Variants in RERE observed in about 807,000 individuals in gnomAD.
The protein encoded by RERE is arginine-glutamic acid dipeptide repeats.
A neutral mutation model predicts 146.1 loss-of-function variants in RERE; 40 were observed. That is an observed-to-expected ratio of 0.27 (90% CI 0.21 to 0.36). The LOEUF (loss-of-function observed/expected upper bound fraction) is 0.36. Among genes scored for constraint, RERE ranks in the 10% least tolerant of loss-of-function variants. The probability of loss-of-function intolerance (pLI) is 1.00; values close to 1 mark genes in which losing one functional copy is unlikely to be tolerated. For missense variants in RERE, 1,933 were observed against 2,138.7 expected, an observed-to-expected ratio of 0.90 and a Z score of 1.90; for synonymous variants, 1,003 against 866.0, an observed-to-expected ratio of 1.16 and a Z score of -2.78.
At chr1:8,722,887 T>C (rs974545096) in intron 1 of RERE, among the ~76,000 whole-genome samples, 1 of 152,198 alleles carries the variant, frequency 6.6e-6, no homozygotes, top group Non-Finnish European at 1.5e-5. Flanking sequence ...CCCCCACGAA[T>C]ACTGAGAGAG....
chr1:8,359,301 G>A (rs1344596750), intron 19 of RERE, among the ~76,000 whole-genome samples: 4 of 152,134 alleles, frequency 2.6e-5, no homozygotes, highest in African/African-American at 7.2e-5. Flanking sequence ...TTTCCTCCCC[G>A]CGACAGCAGA....
At chr1:8,648,448 TC>T (rs1647432442) in intron 2 of RERE, among the ~76,000 whole-genome samples, 1 of 152,146 alleles carries the variant, frequency 6.6e-6, no homozygotes, top group South Asian at 2.1e-4. Flanking sequence ...CCCAAGCTGG[TC>T]TTGAACTCCT....
At chr1:8,607,537 T>A (rs1157057679) in intron 4 of RERE, among the ~76,000 whole-genome samples, 2 of 30,460 alleles carry the variant, frequency 6.6e-5, no homozygotes, top group Non-Finnish European at 6.7e-5. Context: ...TATATTTCTT[T>A]TTTTTTTTTT....
intron 19 of RERE, 129 bp from the exon 20 acceptor site, chr1:8,359,045 G>A: frequency 8.2e-7 from 1 of 1,216,804 alleles, no homozygotes; most frequent in Non-Finnish European, 1.1e-6. Context: ...CCTCCACGGA[G>A]ACCCGGCCCT....
At chr1:8,422,415 A>G (rs1196235289) in intron 12 of RERE, among the ~76,000 whole-genome samples, 1 of 152,244 alleles carries the variant, frequency 6.6e-6, no homozygotes, top group Non-Finnish European at 1.5e-5. Context: ...CACTATGTTT[A>G]AAATTTGATG....
Position 8,385,693 on chromosome 1 carries a change from CCAAACAAA to C in RERE, c.1285-19727_1285-19720del, listed in dbSNP as rs201024519. Reference sequence around the variant, plus strand: ...TTATTTCTTGAAGGGAAGCCTTCTACCAAACAAACAAACAAACAAACAAGAAAACACCA... The same window carrying C: ...TTATTTCTTGAAGGGAAGCCTTCTACCAAACAAACAAACAAGAAAACACCA... On this transcript the variant is annotated intron_variant, in intron 12 of 22. Coordinates refer to ENST00000400908, the MANE Select transcript of RERE (RefSeq NM_001042681.2). Among the ~76,000 whole-genome samples the C allele has an allele frequency of 2.5e-3, 377 of 151,488 alleles. 3 individuals carry two copies. Among genetic ancestry groups the C allele is most frequent in the African/African-American group, 8.5e-3 (352 of 41,304 alleles).
intron 4 of RERE, among the ~76,000 whole-genome samples, chr1:8,611,538 C>T (rs547915890): frequency 2.5e-4 from 38 of 152,228 alleles, no homozygotes; most frequent in African/African-American, 8.7e-4. Flanking sequence ...AAACACTACT[C>T]AAATAAAACA....
At chr1:8,613,058 A>G (rs779518871) in intron 4 of RERE, among the ~76,000 whole-genome samples, 4 of 152,304 alleles carry the variant, frequency 2.6e-5, no homozygotes, top group East Asian at 1.9e-4. Flanking sequence ...AATTATCAAT[A>G]TATCATCTCT....
rs1280103251 is a variant in RERE, at chr1:8,817,220, T to C, written c.-205A>G. ...GTTCGCGGCCCAGCTCCGGGGAAAGTGGCGGGGATGGGGCGGGAGGCCGCG... is the reference window on the plus strand; with the variant it reads ...GTTCGCGGCCCAGCTCCGGGGAAAGCGGCGGGGATGGGGCGGGAGGCCGCG... On this transcript the variant is annotated 5_prime_UTR_variant, in exon 1 of 23. Coordinates refer to ENST00000400908, the MANE Select transcript of RERE (RefSeq NM_001042681.2). The C allele has an allele frequency of 6.6e-6, 1 of 151,956 alleles. No homozygotes were observed. The highest frequency in any genetic ancestry group is 1.5e-5 in the Non-Finnish European group (1 of 68,068). The allele number at this position is 151,956 out of a possible 1,614,324, so 9.4% of individuals were successfully genotyped here. A position where few individuals can be genotyped will look rare whatever the true frequency, so the allele number is the denominator to read the frequency against.
At chr1:8,559,170 C>G (rs531544847) in intron 4 of RERE, among the ~76,000 whole-genome samples, 1 of 149,198 alleles carries the variant, frequency 6.7e-6, no homozygotes, top group Non-Finnish European at 1.5e-5. Context: ...ATCCCAGCTA[C>G]TCAGGAGGCT....
At chr1:8,624,862 T>C (rs1646955934) in intron 2 of RERE, among the ~76,000 whole-genome samples, 1 of 152,230 alleles carries the variant, frequency 6.6e-6, no homozygotes, top group Non-Finnish European at 1.5e-5. Flanking sequence ...AGCTTGAACA[T>C]GCTATTACAA....
At chr1:8,469,200 G>T (rs2124138853) in intron 10 of RERE, among the ~76,000 whole-genome samples, 1 of 152,128 alleles carries the variant, frequency 6.6e-6, no homozygotes. Flanking sequence ...TTACAGAGTA[G>T]TCTTCTCAGA....
chr1:8,384,253 T>C (rs1642562522), intron 12 of RERE, among the ~76,000 whole-genome samples: 1 of 152,040 alleles, frequency 6.6e-6, no homozygotes, highest in Non-Finnish European at 1.5e-5. Flanking sequence ...TGCACGGAGG[T>C]CCAGTCTCTC....
At chr1:8,626,695 G>A (rs1210172403) in intron 2 of RERE, among the ~76,000 whole-genome samples, 3 of 152,108 alleles carry the variant, frequency 2.0e-5, no homozygotes, top group South Asian at 4.1e-4. Flanking sequence ...CCTCCACACA[G>A]AAACATTCCA....
chr1:8,356,048 C>G lies in RERE; in HGVS notation c.4486+52G>C. ...ATGAATGAAGACAGCAGACCAGACC[C>G]CAACCCAACCCTCACACGGCCTCCC... On this transcript the variant is annotated intron_variant, in intron 21 of 22. Coordinates refer to ENST00000400908, the MANE Select transcript of RERE (RefSeq NM_001042681.2). The surrounding 1 kb of genome is among the most constrained non-coding windows in gnomAD (Gnocchi z 5.2). The G allele has an allele frequency of 6.9e-7, 1 of 1,454,768 alleles. No homozygotes were observed. Among genetic ancestry groups the G allele is most frequent in the Non-Finnish European group, 9.1e-7 (1 of 1,104,434 alleles). 90.1% of individuals were successfully genotyped at this position (1,454,768 alleles called of 1,614,324 possible).
chr1:8,564,824 ATATGTGTATG>A (rs770679158), intron 4 of RERE, among the ~76,000 whole-genome samples: 1 of 48,830 alleles, frequency 2.0e-5, no homozygotes, highest in African/African-American at 9.3e-5. Context: ...ATGTGTGTGT[ATATGTGTATG>A]TGTGTGTGTG....
chr1:8,385,837 C>T (rs1024385361), intron 12 of RERE, among the ~76,000 whole-genome samples: 127 of 149,102 alleles, frequency 8.5e-4, no homozygotes, highest in African/African-American at 2.9e-3. Context: ...GACGTGGTGG[C>T]GGGCGCCTGT....
chr1:8,446,477 G>A (rs867364822), intron 11 of RERE, among the ~76,000 whole-genome samples: 31 of 151,894 alleles, frequency 2.0e-4, no homozygotes, highest in Admixed American at 4.6e-4. Context: ...TGCTCTTCTC[G>A]AGGAGTATCT....
chr1:8,700,923 A>G (rs1307556150), intron 1 of RERE, among the ~76,000 whole-genome samples: 1 of 152,202 alleles, frequency 6.6e-6, no homozygotes, highest in Non-Finnish European at 1.5e-5. Flanking sequence ...CTCAAAATCA[A>G]AAATAAATCT....
Sources: gnomAD v4.1 joint callset for allele counts (sites outside exome capture counted in the v4.1 genomes callset) on GRCh38, gnomAD v4.1.1 for gene constraint, Gnocchi (gnomAD v3.1) non-coding constraint, MANE v1.5 for transcripts, NCBI Gene and HGNC (gene_info 2026-07-23, HGNC 2026-07-21) for gene names.